MPRIP: variants seen among roughly 807,000 people sequenced by gnomAD.
The protein encoded by MPRIP is myosin phosphatase Rho interacting protein, also known as myosin phosphatase Rho-interacting protein.
Under a neutral mutation model 234.9 loss-of-function variants are expected in MPRIP, and 59 were observed. The ratio of observed to expected loss-of-function variants is 0.25; its 90% CI spans 0.20 to 0.31. The LOEUF is 0.31. Among genes scored for constraint, MPRIP ranks in the 10% least tolerant of loss-of-function variants. The probability of loss-of-function intolerance (pLI) is 1.00; values close to 1 mark genes in which losing one functional copy is unlikely to be tolerated. For synonymous variants in MPRIP, 1,144 were observed against 1,263.9 expected (o/e 0.91, Z 2.01); for missense variants, 2,436 against 3,071.0 (o/e 0.79, Z 4.89).
In MPRIP at chr17:17,190,578, G is replaced by C. The variant is rs968540945; in HGVS notation, c.*5684G>C. ...TTTTGTCTGCCAGGGACAAGACCCT[G>C]TTCATTCTTTTGCCCTTTTCAGAAC... On this transcript the variant is annotated 3_prime_UTR_variant, in exon 24 of 24. Transcript: ENST00000651222. 2.0e-5 allele frequency: 3 copies of C among 152,216 alleles called. No individual in the cohort carries two copies. Among genetic ancestry groups the C allele is most frequent in the African/African-American group, 7.2e-5 (3 of 41,456 alleles). The allele number at this position is 152,216 out of a possible 1,614,324, so 9.4% of individuals were successfully genotyped here.
At chr17:17,124,433 A>G (rs1206872295) in intron 3 of MPRIP, among the ~76,000 whole-genome samples, 1 of 152,180 alleles carries the variant, frequency 6.6e-6, no homozygotes, top group African/African-American at 2.4e-5. Flanking sequence ...CACACTCATA[A>G]TAGACTGGCA....
intron 11 of MPRIP, among the ~76,000 whole-genome samples, chr17:17,148,974 G>A (rs1340125916): frequency 6.6e-6 from 1 of 152,142 alleles, no homozygotes; most frequent in Non-Finnish European, 1.5e-5. Flanking sequence ...TAGCAAAGGC[G>A]ATATTTTAAT....
intron 17 of MPRIP, 135 bp downstream of exon 17, chr17:17,172,000 GACTA>G: frequency 8.9e-7 from 1 of 1,117,822 alleles, no homozygotes; most frequent in Non-Finnish European, 1.3e-6. Flanking sequence ...AGGGTTCTTT[GACTA>G]TTCACTCTGA....
At chr17:17,056,129 A>T (rs1399679547) in intron 1 of MPRIP, among the ~76,000 whole-genome samples, 1 of 152,108 alleles carries the variant, frequency 6.6e-6, no homozygotes, top group African/African-American at 2.4e-5. Context: ...AGCGGGGCTG[A>T]CCACCTTGGC....
At chr17:17,120,635 G>A (rs547654946) in intron 3 of MPRIP, among the ~76,000 whole-genome samples, 3 of 152,294 alleles carry the variant, frequency 2.0e-5, no homozygotes, top group Non-Finnish European at 4.4e-5. Flanking sequence ...CTATGTGGGG[G>A]CTGAACCCAT....
intron 11 of MPRIP, among the ~76,000 whole-genome samples, chr17:17,149,170 C>G (rs1452887468): frequency 6.6e-6 from 1 of 152,164 alleles, no homozygotes; most frequent in African/African-American, 2.4e-5. Context: ...CAAAGAACAG[C>G]CACAACTACC....
intron 9 of MPRIP, among the ~76,000 whole-genome samples, chr17:17,145,492 C>T (rs1472290493): frequency 6.6e-6 from 1 of 152,206 alleles, no homozygotes; most frequent in Non-Finnish European, 1.5e-5. Flanking sequence ...CCCTGTCTGC[C>T]ATCCTGCTTC....
chr17:17,084,664 G>A (rs928505373), intron 3 of MPRIP, among the ~76,000 whole-genome samples: 17 of 152,180 alleles, frequency 1.1e-4, no homozygotes, highest in Non-Finnish European at 2.4e-4. Context: ...GCCTCGTGCG[G>A]GTGGAAAATA....
Position 17,165,056 on chromosome 17 carries a change from G to C in MPRIP, c.3465G>C (p.Gln1155His). 3.1e-6 allele frequency: 4 copies of C among 1,302,612 alleles called. No individual in the cohort carries two copies. The South Asian group carries it at 4.9e-5, about 16-fold the overall frequency. 80.7% of individuals were successfully genotyped at this position (1,302,612 alleles called of 1,614,324 possible). ...LEHSYQRVSS[Q>H]LQSMHTLLRE... ...ACTCCTACCAGAGGGTCTCCAGCCA[G>C]CTGCAGAGCATGCACACTCTGCTGA... Residue 1155 changes from glutamine to histidine, a missense_variant, in exon 16 of 24, where the codon CAG (glutamine) becomes CAC (histidine). Gln to His is a conservative substitution (Grantham distance 24). Around this residue, in one of 4 missense-constraint regions of MPRIP, gnomAD observed 1,998 missense variants for 2,520.3 expected, o/e 0.79. Transcript: ENST00000651222.
chr17:17,163,760 G>A (rs557507871), intron 15 of MPRIP, among the ~76,000 whole-genome samples: 4 of 152,150 alleles, frequency 2.6e-5, no homozygotes, highest in South Asian at 2.1e-4. Context: ...TGCTCCTCCC[G>A]CCTGTCCCTC....
intron 3 of MPRIP, among the ~76,000 whole-genome samples, chr17:17,124,713 C>G (rs567031971): frequency 6.6e-6 from 1 of 152,252 alleles, no homozygotes; most frequent in Admixed American, 6.5e-5. Context: ...AGACAAGATG[C>G]CTTGTCTAGG....
At chr17:17,070,441 A>AT (rs761814863) in intron 1 of MPRIP, among the ~76,000 whole-genome samples, 4 of 151,110 alleles carry the variant, frequency 2.6e-5, no homozygotes, top group Admixed American at 2.0e-4. Flanking sequence ...TTATTTATTC[A>AT]TTTTTTCCTG....
Position 17,077,872 on chromosome 17 carries a change from C to T in MPRIP, c.202-139C>T, listed in dbSNP as rs1049887098. 9.9e-6 allele frequency: 8 copies of T among 807,766 alleles called. No individual in the cohort carries two copies. In the African/African-American group the frequency reaches 1.3e-4, roughly 14 times the overall value. 50.0% of individuals were successfully genotyped at this position (807,766 alleles called of 1,614,324 possible). A position where few individuals can be genotyped will look rare whatever the true frequency, so the allele number is the denominator to read the frequency against. On this transcript the variant is annotated intron_variant, in intron 2 of 23. Coordinates refer to ENST00000651222, the MANE Select transcript of MPRIP (RefSeq NM_001364716.4). ...TTCTTGTGCCTCGGGTCCCTCTTTT[C>T]CTGCCACCTGCCCCAGAAGTGGAAT...
intron 12 of MPRIP, among the ~76,000 whole-genome samples, chr17:17,153,438 C>T (rs1359905259): frequency 6.6e-6 from 1 of 152,026 alleles, no homozygotes; most frequent in Non-Finnish European, 1.5e-5. Context: ...CAGCTCCATG[C>T]AGGCCACTGG....
At position 17,171,802 on chromosome 17, in the gene MPRIP, C is replaced by T. The variant is rs1190295633; in HGVS notation, c.6409C>T (p.Leu2137=). The change falls in exon 17 of 24, where the codon CTA becomes TTA. Residue 2137 remains leucine, a synonymous_variant. Coordinates refer to ENST00000651222, the MANE Select transcript of MPRIP (RefSeq NM_001364716.4). ...TCTCCAGAGGCAGCACCAGCGGGAG[C>T]TAGAGAAACTTCGAGAAGAGAAAGA... The part of the protein sequence containing the change: ...EDLQRQHQRE[L]EKLREEKDRL... The T allele has an allele frequency of 2.5e-6, 4 of 1,613,666 alleles. No homozygotes were observed. The highest frequency in any genetic ancestry group is 3.4e-6 in the Non-Finnish European group (4 of 1,180,022).
At chr17:17,088,230 T>C (rs987958536) in intron 3 of MPRIP, among the ~76,000 whole-genome samples, 1 of 152,160 alleles carries the variant, frequency 6.6e-6, no homozygotes, top group Non-Finnish European at 1.5e-5. Context: ...CACCCCGCAC[T>C]GGGGAGGCAG....
Position 17,166,832 on chromosome 17 carries a change from G to C in MPRIP, c.5241G>C (p.Leu1747=), listed in dbSNP as rs1400343068. 1.5e-6 allele frequency: 2 copies of C among 1,304,188 alleles called. No homozygotes were observed. The highest frequency in any genetic ancestry group is 5.6e-5 in the East Asian group (1 of 18,012). The allele number at this position is 1,304,188 out of a possible 1,614,324, so 80.8% of individuals were successfully genotyped here. The change falls in exon 16 of 24, where the codon CTG becomes CTC. Residue 1747 remains leucine (L), a synonymous_variant. Transcript: ENST00000651222. This position sits in a 1 kb window ranked among gnomAD's most constrained non-coding sequence, Gnocchi z 4.4. ...HEDGVQLSWD[L]SPLGEVLGRD... ...ATGGTGTTCAGCTGTCCTGGGACCT[G>C]AGCCCCTTAGGAGAAGTCCTGGGCC...
intron 22 of MPRIP, among the ~76,000 whole-genome samples, chr17:17,177,950 T>C (rs2144696199): frequency 6.9e-6 from 1 of 145,462 alleles, no homozygotes; most frequent in East Asian, 2.1e-4. Flanking sequence ...TTTTTGAAAC[T>C]GGGTCTTGCT....
At chr17:17,174,881 G>C (rs575108466) in intron 19 of MPRIP, among the ~76,000 whole-genome samples, 3 of 152,262 alleles carry the variant, frequency 2.0e-5, no homozygotes, top group South Asian at 2.1e-4. Context: ...TTCAAGCCAG[G>C]ATTCGTTCAA....
Sources: allele counts gnomAD v4.1 joint callset (sites outside exome capture counted in the v4.1 genomes callset), GRCh38; gene constraint gnomAD v4.1.1; regional missense constraint gnomAD v4.1.1; non-coding constraint Gnocchi (gnomAD v3.1); transcripts MANE v1.5; gene names NCBI Gene and HGNC (gene_info 2026-07-23, HGNC 2026-07-21).